PTPRQ: variants seen among roughly 807,000 people sequenced by gnomAD.
PTPRQ encodes the protein phosphatidylinositol phosphatase PTPRQ.
Under a neutral mutation model 246.0 loss-of-function variants are expected in PTPRQ, and 199 were observed. That is an observed-to-expected ratio of 0.81 (90% CI 0.72 to 0.91). The LOEUF (loss-of-function observed/expected upper bound fraction) is 0.91. PTPRQ is among the 40% of genes least tolerant of loss of function. PTPRQ has a pLI of 0.00. For synonymous variants in PTPRQ, 869 were observed against 853.2 expected (o/e 1.02, Z -0.32); for missense variants, 2,624 against 2,528.4 (o/e 1.04, Z -0.81).
intron 25 of PTPRQ, among the ~76,000 whole-genome samples, chr12:80,578,992 T>G (rs1897354383): frequency 6.6e-6 from 1 of 152,146 alleles, no homozygotes; most frequent in Non-Finnish European, 1.5e-5. Context: ...CCTGGGTTCA[T>G]TCCATTTGTT....
chr12:80,461,656 T>C (rs1027533062), intron 6 of PTPRQ, among the ~76,000 whole-genome samples: 5 of 150,682 alleles, frequency 3.3e-5, no homozygotes, highest in African/African-American at 4.9e-5. Context: ...TAATATAGTA[T>C]CAGGCATTAG....
chr12:80,544,067 G>A (rs1896232887), intron 23 of PTPRQ, among the ~76,000 whole-genome samples: 1 of 152,074 alleles, frequency 6.6e-6, no homozygotes, highest in South Asian at 2.1e-4. Context: ...TCCTCAGAAT[G>A]GTGATCTGTA....
At chr12:80,539,990 C>T (rs150391714) in intron 20 of PTPRQ, 46 bp downstream of exon 20, 24 of 1,368,690 alleles carry the variant, frequency 1.8e-5, no homozygotes, top group Middle Eastern at 5.1e-4. Context: ...TAATTTAAAA[C>T]TTATTATTTT....
chr12:80,587,624 T>A (rs761862304), intron 25 of PTPRQ, among the ~76,000 whole-genome samples: 1 of 151,934 alleles, frequency 6.6e-6, no homozygotes, highest in Non-Finnish European at 1.5e-5. Flanking sequence ...TAAAAAAAAA[T>A]AGATGAATTA....
Position 80,467,558 on chromosome 12 carries a change from A to G in PTPRQ, c.911-1152A>G, listed in dbSNP as rs906009679. On this transcript the variant is annotated intron_variant, in intron 6 of 44. Coordinates refer to ENST00000644991, the MANE Select transcript of PTPRQ (RefSeq NM_001145026.2). ...TGCTGCTATAAAGACACATGCACAC[A>G]TATGTTTATTGCGGCATTATTCACA... 3.3e-5 allele frequency among the ~76,000 whole-genome samples: 5 copies of G among 152,306 alleles called. No individual in the cohort carries two copies. The East Asian group carries it at 5.8e-4, about 18-fold the overall frequency.
chr12:80,454,429 G>C, intron 3 of PTPRQ: 2 of 658,846 alleles, frequency 3.0e-6, no homozygotes, highest in South Asian at 3.1e-5. Flanking sequence ...CGGTACCTCA[G>C]ATGGAAATGC....
At chr12:80,629,733 A>G (rs776344190) in intron 33 of PTPRQ, among the ~76,000 whole-genome samples, 5 of 152,188 alleles carry the variant, frequency 3.3e-5, no homozygotes, top group Non-Finnish European at 7.4e-5. Context: ...TATGTTGAAA[A>G]TAGGTGGAAC....
intron 39 of PTPRQ, among the ~76,000 whole-genome samples, chr12:80,668,122 A>G (rs867888815): frequency 1.3e-5 from 2 of 151,964 alleles, no homozygotes; most frequent in South Asian, 2.1e-4. Flanking sequence ...CTTTTATTCC[A>G]TATTCCTTAA....
At position 80,468,852 on chromosome 12, in the gene PTPRQ, G is replaced by A. The variant is rs1273767198; in HGVS notation, c.1039+14G>A. The A allele has an allele frequency of 1.3e-6, 2 of 1,542,040 alleles. No homozygotes were observed. The highest frequency in any genetic ancestry group is 4.9e-5 in the East Asian group (2 of 40,444). ...ATGGACCATCAGGTAAGCCTTAATT[G>A]GTTTTGTGTTTGCCTTTTGGAGTGA... On this transcript the variant is annotated intron_variant, in intron 7 of 44. Coordinates refer to ENST00000644991, the MANE Select transcript of PTPRQ (RefSeq NM_001145026.2).
At chr12:80,458,090 G>A (rs1205084489) in intron 4 of PTPRQ, among the ~76,000 whole-genome samples, 1 of 151,988 alleles carries the variant, frequency 6.6e-6, no homozygotes, top group Admixed American at 6.6e-5. Flanking sequence ...TTGGAAACAC[G>A]GATTTTAATG....
At chr12:80,678,476 T>A in intron 43 of PTPRQ, 126 bp from the exon 44 acceptor site, 1 of 1,194,290 alleles carries the variant, frequency 8.4e-7, no homozygotes. Flanking sequence ...CTATGATAAA[T>A]TCTGTGTCTG....
chr12:80,531,029 A>T (rs1895828642), intron 17 of PTPRQ, among the ~76,000 whole-genome samples: 2 of 151,982 alleles, frequency 1.3e-5, no homozygotes, highest in African/African-American at 4.8e-5. Flanking sequence ...GTCGCTAAAA[A>T]ATATATATAT....
At chr12:80,479,703 C>G (rs886243612) in intron 8 of PTPRQ, among the ~76,000 whole-genome samples, 6 of 145,604 alleles carry the variant, frequency 4.1e-5, no homozygotes, top group African/African-American at 1.6e-4. Context: ...AAATGGAGAA[C>G]AAAAAAAGGC....
chr12:80,654,951 A>G (rs991648006), intron 38 of PTPRQ, among the ~76,000 whole-genome samples: 1 of 152,102 alleles, frequency 6.6e-6, no homozygotes, highest in African/African-American at 2.4e-5. Context: ...GGAGTGTCTA[A>G]TTTGAAATAT....
At chr12:80,479,975 G>A (rs1893976403) in intron 8 of PTPRQ, among the ~76,000 whole-genome samples, 1 of 151,950 alleles carries the variant, frequency 6.6e-6, no homozygotes, top group Admixed American at 6.6e-5. Context: ...AAGACAGAAA[G>A]TCAACAAGGA....
chr12:80,582,147 G>A (rs780173924), intron 25 of PTPRQ, among the ~76,000 whole-genome samples: 1 of 152,142 alleles, frequency 6.6e-6, no homozygotes, highest in Non-Finnish European at 1.5e-5. Context: ...ATTTCATAGA[G>A]GCTGGTAAAA....
rs1894580792 is a variant in PTPRQ at position 80,495,321 on chromosome 12, CA to C, written c.1835del (p.Asn612ThrfsTer6). 2.6e-6 allele frequency: 4 copies of C among 1,541,092 alleles called. No individual in the cohort carries two copies. The highest frequency in any genetic ancestry group is 3.5e-6 in the Non-Finnish European group (4 of 1,143,988). ...ACGATTTATGCAATGGAATTGGATA[CA>C]AACAGAGCATTCCAGATAACTACCA... ...HYTIYAMELDTNRAFQITTID... is the reference protein window; with the variant it reads ...HYTIYAMELDXNRAFQITTID... On this transcript the variant is annotated frameshift_variant, in exon 12 of 45. Transcript: ENST00000644991. LOFTEE classifies it high-confidence loss of function.
At chr12:80,545,218 A>G (rs1896268391) in intron 23 of PTPRQ, among the ~76,000 whole-genome samples, 1 of 152,128 alleles carries the variant, frequency 6.6e-6, no homozygotes. Context: ...GGCAGGGACC[A>G]TGCCTTACAT....
Position 80,669,006 on chromosome 12 carries a change from G to A in PTPRQ, c.6193-1G>A. ...CAGTGTTTGTAATTATATCCTTCTA[G>A]GGTTATTTATGTCCAAATGAATTTA... On this transcript the variant is annotated splice_acceptor_variant, in intron 39 of 44. Transcript: ENST00000644991. LOFTEE classifies it high-confidence loss of function. 1.3e-6 allele frequency: 2 copies of A among 1,548,440 alleles called. No individual in the cohort carries two copies. The highest frequency in any genetic ancestry group is 1.7e-6 in the Non-Finnish European group (2 of 1,145,134).
Sources: allele counts gnomAD v4.1 joint callset (sites outside exome capture counted in the v4.1 genomes callset), GRCh38; gene constraint gnomAD v4.1.1; transcripts MANE v1.5; gene names NCBI Gene and HGNC (gene_info 2026-07-23, HGNC 2026-07-21).